ADGRA3: variants seen among roughly 807,000 people sequenced by gnomAD.
ADGRA3 encodes adhesion G protein-coupled receptor A3.
Under a neutral mutation model 119.8 loss-of-function variants are expected in ADGRA3, and 56 were observed. The ratio of observed to expected loss-of-function variants is 0.47; its 90% CI spans 0.38 to 0.58. The LOEUF (loss-of-function observed/expected upper bound fraction) is 0.58, where lower values mean the gene tolerates loss of function less well. Ranked by LOEUF, ADGRA3 falls within the 20% of genes least tolerant of loss-of-function variation. The pLI, the probability that ADGRA3 is intolerant of heterozygous loss-of-function variation, is 0.00. For synonymous variants in ADGRA3, 607 were observed against 623.8 expected (o/e 0.97, Z 0.40); for missense variants, 1,516 against 1,649.0 (o/e 0.92, Z 1.40).
chr4:22,426,747 C>A (rs1715950385), intron 10 of ADGRA3, among the ~76,000 whole-genome samples: 1 of 152,122 alleles, frequency 6.6e-6, no homozygotes, highest in South Asian at 2.1e-4. Flanking sequence ...GTACTTCCCC[C>A]CAAACCGAAG....
Position 22,413,727 on chromosome 4 carries a change from G to T in ADGRA3, c.1897C>A (p.Leu633Ile), listed in dbSNP as rs1342011699. Residue 633 changes from leucine to isoleucine, a missense_variant, in exon 13 of 19, where the codon CTT (leucine) becomes ATT (isoleucine). Around this residue, in one of 2 missense-constraint regions of ADGRA3, gnomAD observed 1,088 missense variants for 1,107.1 expected, o/e 0.98. Coordinates refer to ENST00000334304, the MANE Select transcript of ADGRA3 (RefSeq NM_145290.4). The stretch of plus-strand genomic sequence containing the variant: ...AATGCAATGAGTTGAAGCTTGTAAA[G>T]AGAGTCATCAGTTGGTCTGAGTTCT... ...KRELRPTDDS[L>I]YKLQLIAFRN... The T allele has an allele frequency of 6.2e-7, 1 of 1,613,916 alleles. No homozygotes were observed. Among genetic ancestry groups the T allele is most frequent in the Non-Finnish European group, 8.5e-7 (1 of 1,179,872 alleles).
chr4:22,436,567 G>C lies in ADGRA3; in HGVS notation c.1160C>G (p.Pro387Arg). 6.2e-7 allele frequency: 1 copy of C among 1,613,944 alleles called. No homozygotes were observed. Among genetic ancestry groups the C allele is most frequent in the Non-Finnish European group, 8.5e-7 (1 of 1,179,980 alleles). ...TRNTHGSGIY[P>R]GNPQDERKAW... ...TTTTCTCTCATCCTGTGGGTTTCCG[G>C]GATATATCCCACTGCCATGGGTGTT... The change falls in exon 9 of 19, where the codon CCC becomes CGC. Residue 387 changes from proline to arginine, a missense_variant. Physicochemically the swap from Pro to Arg is moderately radical, Grantham distance 103. Around this residue, in one of 2 missense-constraint regions of ADGRA3, gnomAD observed 428 missense variants for 541.9 expected, o/e 0.79. Coordinates refer to ENST00000334304, the MANE Select transcript of ADGRA3 (RefSeq NM_145290.4).
intron 6 of ADGRA3, among the ~76,000 whole-genome samples, chr4:22,444,496 G>C (rs1441253934): frequency 1.3e-5 from 2 of 152,084 alleles, no homozygotes; most frequent in Non-Finnish European, 2.9e-5. Context: ...ATGTTAGCCA[G>C]GCTAGTCTCA....
intron 10 of ADGRA3, among the ~76,000 whole-genome samples, chr4:22,427,456 A>C (rs927983336): frequency 4.7e-5 from 7 of 150,054 alleles, no homozygotes; most frequent in Admixed American, 6.6e-5. Context: ...TTGTGTTAAT[A>C]ATTATAAAAA....
chr4:22,511,568 A>G (rs1441612161), intron 1 of ADGRA3, among the ~76,000 whole-genome samples: 2 of 152,110 alleles, frequency 1.3e-5, no homozygotes, highest in Non-Finnish European at 2.9e-5. Context: ...ATTATATCCC[A>G]TCTTTGCCAT....
At chr4:22,445,325 T>C (rs1716790970) in intron 5 of ADGRA3, among the ~76,000 whole-genome samples, 192 bp from the exon 6 acceptor site, 1 of 152,198 alleles carries the variant, frequency 6.6e-6, no homozygotes, top group African/African-American at 2.4e-5. Context: ...CCAACACTGT[T>C]CTTGCTGATC....
intron 3 of ADGRA3, among the ~76,000 whole-genome samples, chr4:22,460,891 G>A (rs1717421886): frequency 6.6e-6 from 1 of 152,188 alleles, no homozygotes; most frequent in African/African-American, 2.4e-5. Context: ...CTTTCAGAAA[G>A]CATAAAGGAT....
At chr4:22,396,065 C>T (rs963776360) in intron 16 of ADGRA3, among the ~76,000 whole-genome samples, 1 of 152,130 alleles carries the variant, frequency 6.6e-6, no homozygotes, top group African/African-American at 2.4e-5. Context: ...GCTAAGAAAA[C>T]CAAGGACCAA....
chr4:22,391,489 A>G (rs1396417634), intron 17 of ADGRA3, among the ~76,000 whole-genome samples: 1 of 152,154 alleles, frequency 6.6e-6, no homozygotes, highest in Admixed American at 6.5e-5. Flanking sequence ...AACTGCCTCA[A>G]GCCTCTCAAA....
At chr4:22,489,990 T>C (rs921180156) in intron 1 of ADGRA3, among the ~76,000 whole-genome samples, 33 of 152,216 alleles carry the variant, frequency 2.2e-4, no homozygotes, top group African/African-American at 7.0e-4. Context: ...CCTTAACTCC[T>C]GAAACGGTTC....
chr4:22,423,750 T>C (rs1464077835), intron 11 of ADGRA3, among the ~76,000 whole-genome samples: 1 of 152,206 alleles, frequency 6.6e-6, no homozygotes. Context: ...TCTCTCAAAA[T>C]ATCCTTCAGG....
At chr4:22,513,171 G>A (rs887833498) in intron 1 of ADGRA3, among the ~76,000 whole-genome samples, 2 of 143,684 alleles carry the variant, frequency 1.4e-5, no homozygotes, top group Non-Finnish European at 3.0e-5. Flanking sequence ...TTGAGATGGA[G>A]TTTCATTCTT....
At chr4:22,481,074 G>A (rs1482237025) in intron 1 of ADGRA3, among the ~76,000 whole-genome samples, 1 of 152,090 alleles carries the variant, frequency 6.6e-6, no homozygotes, top group Non-Finnish European at 1.5e-5. Context: ...TGACATTTCT[G>A]ATTTGCCATT....
intron 1 of ADGRA3, 153 bp downstream of exon 1, chr4:22,515,375 A>G (rs1328103713): frequency 8.1e-6 from 7 of 869,406 alleles, no homozygotes; most frequent in Middle Eastern, 2.6e-4. Context: ...AACTGCACCC[A>G]TGCCAAGCAC....
intron 10 of ADGRA3, among the ~76,000 whole-genome samples, chr4:22,432,138 T>TA (rs1239030011): frequency 1.3e-4 from 19 of 151,202 alleles, no homozygotes; most frequent in East Asian, 9.7e-4. Flanking sequence ...ACCCCCCACC[T>TA]AAAAAAAAAT....
chr4:22,504,255 A>C (rs1368554841), intron 1 of ADGRA3, among the ~76,000 whole-genome samples: 1 of 152,200 alleles, frequency 6.6e-6, no homozygotes, highest in Non-Finnish European at 1.5e-5. Context: ...AAAAGACAAA[A>C]AATGTAAGTT....
chr4:22,454,792 T>C, intron 4 of ADGRA3, 74 bp downstream of exon 4: 1 of 1,082,340 alleles, frequency 9.2e-7, no homozygotes, highest in East Asian at 2.4e-5. Flanking sequence ...ATTAAATACA[T>C]AAGTTTCATA....
Position 22,387,786 on chromosome 4 carries a change from A to G in ADGRA3, c.3885T>C (p.Asn1295=). The G allele has an allele frequency of 6.2e-7, 1 of 1,614,040 alleles. No individual in the cohort carries two copies. Among genetic ancestry groups the G allele is most frequent in the Non-Finnish European group, 8.5e-7 (1 of 1,179,936 alleles). ...TACCGAGCAAGGGTCCCTCCTGCCC[A>G]TTGCTTTTAATTGGTCCATTCTGAA... The part of the protein sequence containing the change: ...LAIQNGPIKS[N]GQEGPLLGTD... The change falls in exon 19 of 19, where the codon AAT becomes AAC. Residue 1295 remains asparagine (N), a synonymous_variant. Transcript: ENST00000334304.
intron 1 of ADGRA3, among the ~76,000 whole-genome samples, chr4:22,497,348 C>T (rs1000647743): frequency 6.6e-6 from 1 of 150,494 alleles, no homozygotes; most frequent in Admixed American, 6.6e-5. Context: ...TCAAGGACAT[C>T]TTCACTATAA....
Sources: allele counts gnomAD v4.1 joint callset (sites outside exome capture counted in the v4.1 genomes callset), GRCh38; gene constraint gnomAD v4.1.1; regional missense constraint gnomAD v4.1.1; transcripts MANE v1.5; gene names NCBI Gene and HGNC (gene_info 2026-07-23, HGNC 2026-07-21).